Variants in APAF1 observed in about 807,000 individuals in gnomAD.
The protein encoded by APAF1 is apoptotic protease-activating factor 1.
APAF1 carries 91 observed loss-of-function variants against 152.4 expected under a neutral mutation model. That is an observed-to-expected ratio of 0.60 (90% CI 0.50 to 0.71). The LOEUF (loss-of-function observed/expected upper bound fraction) is 0.71, where lower values mean the gene tolerates loss of function less well. Ranked by LOEUF, APAF1 falls within the 30% of genes least tolerant of loss-of-function variation. The probability of loss-of-function intolerance (pLI) is 0.00; values close to 1 mark genes in which losing one functional copy is unlikely to be tolerated. For synonymous variants in APAF1, 484 were observed against 494.1 expected, an observed-to-expected ratio of 0.98 and a Z score of 0.27; for missense variants, 1,283 against 1,472.0, an observed-to-expected ratio of 0.87 and a Z score of 2.10.
chr12:98,666,239 T>G lies in APAF1; in HGVS notation c.1244T>G (p.Leu415Arg). The change falls in exon 9 of 27, where the codon CTG becomes CGG. Residue 415 changes from leucine to arginine, a missense_variant. By Grantham distance (102) the Leu-to-Arg change is moderately radical. Coordinates refer to ENST00000551964, the MANE Select transcript of APAF1 (RefSeq NM_181861.2). ...GAAACTGAAGAAGTTGAAGACATAC[T>G]GCAGGAGTTTGTAAATAAGTCTCTT... ...DMETEEVEDI[L>R]QEFVNKSLLF... The G allele has an allele frequency of 5.0e-6, 8 of 1,613,992 alleles. No homozygotes were observed. Among genetic ancestry groups the G allele is most frequent in the Non-Finnish European group, 6.8e-6 (8 of 1,179,884 alleles).
At position 98,712,428 on chromosome 12, in the gene APAF1, C is replaced by T. The variant is rs751620088; in HGVS notation, c.2951C>T (p.Ala984Val). 10 of 1,566,910 alleles carry T rather than the reference C, an allele frequency of 6.4e-6. No individual in the cohort carries two copies. Among genetic ancestry groups the T allele is most frequent in the South Asian group, 1.1e-5 (1 of 90,082 alleles). Residue 984 changes from alanine (A) to valine (V), a missense_variant, in exon 21 of 27, where the codon GCC becomes GTC. By Grantham distance (64) the Ala-to-Val change is moderately conservative. Coordinates refer to ENST00000551964, the MANE Select transcript of APAF1 (RefSeq NM_181861.2). ...QYIAFGDENG[A>V]IEILELVNNR... ...ATTGCATTTGGAGATGAAAATGGAGCCATTGAGGTATTCAGTGCTAGTCTT... is the reference window on the plus strand; with the variant it reads ...ATTGCATTTGGAGATGAAAATGGAGTCATTGAGGTATTCAGTGCTAGTCTT...
intron 16 of APAF1, among the ~76,000 whole-genome samples, chr12:98,694,853 G>C (rs1201569238): frequency 3.3e-5 from 5 of 150,800 alleles, no homozygotes; most frequent in African/African-American, 1.2e-4. Flanking sequence ...TTTTCCTATG[G>C]GTTATCTGTT....
chr12:98,649,529 T>C lies in APAF1; in HGVS notation c.371T>C (p.Val124Ala), dbSNP rs1334942986. ...GAAGGTGGAGTACCACAGAGGCCAG[T>C]TGTTTTTGTCACAAGGAAGAAGCTG... ...LCEGGVPQRP[V>A]VFVTRKKLVN... Residue 124 changes from valine (V) to alanine (A), a missense_variant, in exon 4 of 27, where the codon GTT becomes GCT. Transcript: ENST00000551964. 1.9e-6 allele frequency: 3 copies of C among 1,614,104 alleles called. No homozygotes were observed. Among genetic ancestry groups the C allele is most frequent in the Non-Finnish European group, 2.5e-6 (3 of 1,180,046 alleles).
Position 98,723,208 on chromosome 12 carries a change from T to C in APAF1, c.3100T>C (p.Leu1034=), listed in dbSNP as rs2097745528. Reference sequence around the variant, plus strand: ...TGATATTCAGGTATGGAATTGGCAATTGGACAAATGTATCTTTCTACGAGG... The same window carrying C: ...TGATATTCAGGTATGGAATTGGCAACTGGACAAATGTATCTTTCTACGAGG... ...DAEIQVWNWQ[L]DKCIFLRGHQ... is the part of the protein sequence containing the mutation. The change falls in exon 23 of 27, where the codon TTG becomes CTG. Residue 1034 remains leucine, a synonymous_variant. Coordinates refer to ENST00000551964, the MANE Select transcript of APAF1 (RefSeq NM_181861.2). 6.2e-7 allele frequency: 1 copy of C among 1,613,472 alleles called. No individual in the cohort carries two copies. The highest frequency in any genetic ancestry group is 8.5e-7 in the Non-Finnish European group (1 of 1,179,598).
At chr12:98,650,291 TGG>T (rs2097647314) in intron 4 of APAF1, among the ~76,000 whole-genome samples, 3 of 151,990 alleles carry the variant, frequency 2.0e-5, no homozygotes, top group African/African-American at 7.3e-5. Context: ...AAGACCAGCC[TGG>T]GCAACATGGT....
intron 22 of APAF1, among the ~76,000 whole-genome samples, chr12:98,719,129 T>A (rs2097738515): frequency 6.6e-6 from 1 of 152,212 alleles, no homozygotes; most frequent in South Asian, 2.1e-4. Flanking sequence ...GCTCCAGTCC[T>A]TCCAGACTGT....
chr12:98,680,481 G>T, intron 14 of APAF1, 79 bp downstream of exon 14: 1 of 1,440,990 alleles, frequency 6.9e-7, no homozygotes, highest in Non-Finnish European at 9.6e-7. Flanking sequence ...ACCAGAGTAA[G>T]TAGAGTTAAA....
intron 16 of APAF1, among the ~76,000 whole-genome samples, chr12:98,695,812 C>T (rs1385804019): frequency 6.6e-6 from 1 of 152,192 alleles, no homozygotes; most frequent in East Asian, 1.9e-4. Flanking sequence ...GGTGCCAGCA[C>T]TTCCTGAGTC....
chr12:98,695,567 C>G (rs1026140311), intron 16 of APAF1, among the ~76,000 whole-genome samples: 7 of 152,218 alleles, frequency 4.6e-5, no homozygotes, highest in African/African-American at 1.2e-4. Context: ...GGATATGACT[C>G]TGGCCAGTTC....
At chr12:98,676,937 G>A (rs1000275056) in intron 12 of APAF1, among the ~76,000 whole-genome samples, 2 of 152,208 alleles carry the variant, frequency 1.3e-5, no homozygotes, top group Admixed American at 6.5e-5. Flanking sequence ...GAGCCACTGC[G>A]CCTGGCTGAG....
intron 14 of APAF1, 148 bp from the exon 15 acceptor site, chr12:98,682,995 G>A (rs112627534): frequency 1.5e-6 from 1 of 680,458 alleles, no homozygotes; most frequent in East Asian, 2.7e-5. Context: ...TTAGAAAGGG[G>A]AGAGGTTTCA....
At chr12:98,720,622 C>T (rs1327850311) in intron 22 of APAF1, among the ~76,000 whole-genome samples, 1 of 152,150 alleles carries the variant, frequency 6.6e-6, no homozygotes, top group African/African-American at 2.4e-5. Context: ...CCAAGTATTA[C>T]CCATGCTTAC....
At chr12:98,654,876 GA>G (rs200511176) in intron 4 of APAF1, among the ~76,000 whole-genome samples, 3,682 of 112,420 alleles carry the variant, frequency 0.033, 137 homozygotes, top group East Asian at 0.2. Context: ...GTTTCTCACA[GA>G]GGGGGATTTG....
intron 22 of APAF1, among the ~76,000 whole-genome samples, chr12:98,722,328 G>C (rs1291603217): frequency 6.6e-6 from 1 of 152,054 alleles, no homozygotes; most frequent in African/African-American, 2.4e-5. Context: ...TTTTGGGTTT[G>C]TTGTTGTATT....
intron 14 of APAF1, among the ~76,000 whole-genome samples, chr12:98,682,340 A>G (rs886478243): frequency 6.6e-6 from 1 of 152,192 alleles, no homozygotes; most frequent in Non-Finnish European, 1.5e-5. Flanking sequence ...GGCGTGAGCC[A>G]CCGCGCCCGG....
intron 15 of APAF1, among the ~76,000 whole-genome samples, chr12:98,686,422 T>C (rs2097698090): frequency 6.6e-6 from 1 of 152,244 alleles, no homozygotes; most frequent in Non-Finnish European, 1.5e-5. Context: ...TATTGTGGCT[T>C]TTTGTAACTG....
At position 98,686,846 on chromosome 12, in the gene APAF1, T is replaced by C. The variant is rs779968101; in HGVS notation, c.2277T>C (p.Ala759=). 1.9e-6 allele frequency: 3 copies of C among 1,613,962 alleles called. No individual in the cohort carries two copies. The highest frequency in any genetic ancestry group is 1.7e-6 in the Non-Finnish European group (2 of 1,180,002). The change falls in exon 16 of 27, where the codon GCT becomes GCC. Residue 759 remains alanine (A), a synonymous_variant. Coordinates refer to ENST00000551964, the MANE Select transcript of APAF1 (RefSeq NM_181861.2). ...TTTCACCAGATGATAAGCTTTTGGC[T>C]AGTTGTTCAGCTGATGGAACCTTAA... ...CRFSPDDKLL[A]SCSADGTLKL...
rs1011581401 is a variant in APAF1 at position 98,645,846 on chromosome 12, C to A, written c.-42+11C>A. 6.6e-6 allele frequency: 1 copy of A among 152,286 alleles called. No homozygotes were observed. Among genetic ancestry groups the A allele is most frequent in the Non-Finnish European group, 1.5e-5 (1 of 68,086 alleles). 9.4% of individuals were successfully genotyped at this position (152,286 alleles called of 1,614,324 possible). A position where few individuals can be genotyped will look rare whatever the true frequency, so the allele number is the denominator to read the frequency against. ...GGCGCAAAGGCTTGGGTAAGTTGACCTCCTCGCTTTTCTCCCCGAGCCAGG... is the reference window on the plus strand; with the variant it reads ...GGCGCAAAGGCTTGGGTAAGTTGACATCCTCGCTTTTCTCCCCGAGCCAGG... On this transcript the variant is annotated intron_variant, in intron 1 of 26. Coordinates refer to ENST00000551964, the MANE Select transcript of APAF1 (RefSeq NM_181861.2).
At chr12:98,676,616 G>T (rs1213787316) in intron 12 of APAF1, among the ~76,000 whole-genome samples, 2 of 151,300 alleles carry the variant, frequency 1.3e-5, no homozygotes, top group Non-Finnish European at 2.9e-5. Context: ...TTATCTTTTT[G>T]GTATGTCTGA....
Sources: allele counts gnomAD v4.1 joint callset (sites outside exome capture counted in the v4.1 genomes callset), GRCh38; gene constraint gnomAD v4.1.1; transcripts MANE v1.5; gene names NCBI Gene and HGNC (gene_info 2026-07-23, HGNC 2026-07-21).